Variants in CADM2 observed in about 807,000 individuals in gnomAD.
The protein encoded by CADM2 is immunoglobulin superfamily member 4D.
CADM2 carries 12 observed loss-of-function variants against 49.8 expected under a neutral mutation model. The observed-to-expected ratio is 0.24, with a 90% CI of 0.15 to 0.39. The LOEUF is 0.39. CADM2 is among the 10% of genes least tolerant of loss of function. CADM2 has a pLI of 1.00. For missense variants in CADM2, 378 were observed against 492.3 expected (o/e 0.77, Z 2.20); for synonymous variants, 214 against 175.4 (o/e 1.22, Z -1.74).
chr3:85,197,253 A>C (rs1315494683), intron 1 of CADM2, among the ~76,000 whole-genome samples: 1 of 151,922 alleles, frequency 6.6e-6, no homozygotes, highest in East Asian at 1.9e-4. Flanking sequence ...AGAAAAAAAA[A>C]CACATCCTAC....
intron 1 of CADM2, among the ~76,000 whole-genome samples, chr3:85,113,426 T>G (rs2038529433): frequency 6.6e-6 from 1 of 152,058 alleles, no homozygotes; most frequent in Admixed American, 6.6e-5. Flanking sequence ...ACCACTACAT[T>G]TTTTAGTGGG....
intron 1 of CADM2, among the ~76,000 whole-genome samples, chr3:85,459,437 G>A (rs960763060): frequency 6.6e-6 from 1 of 152,124 alleles, no homozygotes; most frequent in African/African-American, 2.4e-5. Flanking sequence ...CTCTATCCTG[G>A]GTGATAGGCT....
At chr3:85,349,688 T>C (rs2031135984) in intron 1 of CADM2, among the ~76,000 whole-genome samples, 1 of 152,178 alleles carries the variant, frequency 6.6e-6, no homozygotes, top group African/African-American at 2.4e-5. Flanking sequence ...CAACAGAAAC[T>C]GTTGATAAGA....
intron 1 of CADM2, among the ~76,000 whole-genome samples, chr3:85,458,144 T>G (rs754859836): frequency 1.3e-5 from 2 of 152,194 alleles, no homozygotes; most frequent in Non-Finnish European, 2.9e-5. Context: ...TATACCTCTC[T>G]TGTGGCACAG....
At chr3:85,607,997 A>G (rs1019589182) in intron 1 of CADM2, among the ~76,000 whole-genome samples, 2 of 152,072 alleles carry the variant, frequency 1.3e-5, no homozygotes, top group East Asian at 3.9e-4. Context: ...TTAGAAACAA[A>G]TAATTTCTGA....
chr3:85,393,494 CT>C (rs2107406064), intron 1 of CADM2, among the ~76,000 whole-genome samples: 1 of 152,176 alleles, frequency 6.6e-6, no homozygotes, highest in African/African-American at 2.4e-5. Flanking sequence ...CTAAGAAGGG[CT>C]CAGAATTTTC....
Position 85,175,919 on chromosome 3 carries a change from C to CTTTTTTTTTTTTTT in CADM2, c.61+216265_61+216278dup, listed in dbSNP as rs11329456. Among the ~76,000 whole-genome samples, 16 of 76,266 alleles carry CTTTTTTTTTTTTTT rather than the reference C, an allele frequency of 2.1e-4. 4 individuals are homozygous for CTTTTTTTTTTTTTT. The highest frequency in any genetic ancestry group is 6.7e-4 in the African/African-American group (11 of 16,430). The allele number at this position is 76,266 out of a possible 152,430, so 50.0% of individuals were successfully genotyped here. A position where few individuals can be genotyped will look rare whatever the true frequency, so the allele number is the denominator to read the frequency against. The stretch of plus-strand genomic sequence containing the variant: ...CAGTTTATCTGAGTTATGTCCTAAT[C>CTTTTTTTTTTTTTT]TTTTTTTTTTTTTTTTTTTTTTTTT... On this transcript the variant is annotated intron_variant, in intron 1 of 9. Coordinates refer to ENST00000383699, the MANE Select transcript of CADM2 (RefSeq NM_001167675.2).
At chr3:85,576,306 ATGG>A (rs2062631937) in intron 1 of CADM2, among the ~76,000 whole-genome samples, 1 of 152,172 alleles carries the variant, frequency 6.6e-6, no homozygotes, top group Admixed American at 6.6e-5. Context: ...CTGCGGACAT[ATGG>A]TCCTCAAAGC....
At chr3:85,458,367 T>A (rs1161676142) in intron 1 of CADM2, among the ~76,000 whole-genome samples, 1 of 152,184 alleles carries the variant, frequency 6.6e-6, no homozygotes, top group Non-Finnish European at 1.5e-5. Context: ...TATCTTTGAA[T>A]AATGGAAAGT....
chr3:85,797,261 T>C (rs2071684866), intron 2 of CADM2, among the ~76,000 whole-genome samples: 1 of 152,102 alleles, frequency 6.6e-6, no homozygotes, highest in African/African-American at 2.4e-5. Flanking sequence ...TAGAACTTTA[T>C]AATTTTTTTT....
At chr3:85,604,924 A>AATTTT (rs1287551674) in intron 1 of CADM2, among the ~76,000 whole-genome samples, 1 of 151,922 alleles carries the variant, frequency 6.6e-6, no homozygotes, top group Non-Finnish European at 1.5e-5. Flanking sequence ...CTTGCCTTAA[A>AATTTT]ATTTTCAGAC....
At chr3:85,330,017 T>G (rs2107145380) in intron 1 of CADM2, among the ~76,000 whole-genome samples, 1 of 152,366 alleles carries the variant, frequency 6.6e-6, no homozygotes, top group East Asian at 1.9e-4. Context: ...TCAATTTTTC[T>G]GATTAAATTC....
chr3:85,422,215 A>G (rs1271952341), intron 1 of CADM2, among the ~76,000 whole-genome samples: 1 of 152,228 alleles, frequency 6.6e-6, no homozygotes, highest in Non-Finnish European at 1.5e-5. Flanking sequence ...TTTGCTAAAA[A>G]GTCTCAAAAA....
chr3:86,020,996 CT>C (rs1035165914), intron 8 of CADM2, among the ~76,000 whole-genome samples: 1 of 151,972 alleles, frequency 6.6e-6, no homozygotes, highest in Non-Finnish European at 1.5e-5. Flanking sequence ...AGGGCAAAAA[CT>C]TTTTTTCTTT....
chr3:85,861,209 G>C (rs1268722135), intron 3 of CADM2, among the ~76,000 whole-genome samples: 1 of 152,172 alleles, frequency 6.6e-6, no homozygotes, highest in African/African-American at 2.4e-5. Context: ...ATCCAGGTGA[G>C]AAATACTTGT....
chr3:85,716,983 T>A (rs1330311270), intron 1 of CADM2, among the ~76,000 whole-genome samples: 1 of 152,194 alleles, frequency 6.6e-6, no homozygotes, highest in Admixed American at 6.5e-5. Context: ...ATATGGGCTC[T>A]TTTTTGGTTC....
intron 1 of CADM2, among the ~76,000 whole-genome samples, chr3:85,502,716 T>C (rs2040170017): frequency 6.6e-6 from 1 of 152,158 alleles, no homozygotes; most frequent in African/African-American, 2.4e-5. Flanking sequence ...CAAATGTACT[T>C]GATCACTGTT....
chr3:85,523,556 A>G (rs2061080231), intron 1 of CADM2, among the ~76,000 whole-genome samples: 1 of 152,102 alleles, frequency 6.6e-6, no homozygotes, highest in Non-Finnish European at 1.5e-5. Flanking sequence ...TCCTTTTCCA[A>G]AATATGTATC....
At chr3:85,832,582 C>T (rs142372300) in intron 3 of CADM2, among the ~76,000 whole-genome samples, 5 of 151,544 alleles carry the variant, frequency 3.3e-5, no homozygotes, top group Non-Finnish European at 7.4e-5. Flanking sequence ...TGCATGGGAT[C>T]ATGTTCTTGA....
Sources: gnomAD v4.1 joint callset for allele counts (sites outside exome capture counted in the v4.1 genomes callset) on GRCh38, gnomAD v4.1.1 for gene constraint, MANE v1.5 for transcripts, NCBI Gene and HGNC (gene_info 2026-07-23, HGNC 2026-07-21) for gene names.